LAMC2: variants seen among roughly 807,000 people sequenced by gnomAD.
The protein encoded by LAMC2 is laminin subunit gamma 2, also known as laminin subunit gamma-2.
Under a neutral mutation model 140.2 loss-of-function variants are expected in LAMC2, and 97 were observed. The ratio of observed to expected loss-of-function variants is 0.69; its 90% CI spans 0.59 to 0.82. The LOEUF is 0.82. Ranked by LOEUF, LAMC2 falls within the 40% of genes least tolerant of loss-of-function variation. LAMC2 has a pLI of 0.00. For missense variants in LAMC2, 1,402 were observed against 1,476.1 expected (o/e 0.95, Z 0.82); for synonymous variants, 513 against 540.2 (o/e 0.95, Z 0.70).
chr1:183,200,755 C>T (rs1425643570), intron 1 of LAMC2, among the ~76,000 whole-genome samples: 1 of 152,086 alleles, frequency 6.6e-6, no homozygotes, highest in African/African-American at 2.4e-5. Flanking sequence ...TAAGGAGGGG[C>T]TCCAGCTGCT....
At position 183,210,216 on chromosome 1, in the gene LAMC2, A is replaced by T. The variant is rs140920733; in HGVS notation, c.268+2147A>T. On this transcript the variant is annotated intron_variant, in intron 2 of 22. Transcript: ENST00000264144. Reference sequence around the variant, plus strand: ...ACCAGGTTTGTTGACATCAAAGGTAATAATGTAGAGTACAGTGGTGGGTTA... The same window carrying T: ...ACCAGGTTTGTTGACATCAAAGGTATTAATGTAGAGTACAGTGGTGGGTTA... Among the ~76,000 whole-genome samples the T allele has an allele frequency of 6.3e-4, 96 of 152,294 alleles. 2 individuals carry two copies. Among genetic ancestry groups the T allele is most frequent in the African/African-American group, 2.2e-3 (91 of 41,546 alleles).
intron 1 of LAMC2, among the ~76,000 whole-genome samples, chr1:183,206,242 T>C (rs1008933575): frequency 1.3e-5 from 2 of 152,226 alleles, no homozygotes; most frequent in Non-Finnish European, 2.9e-5. Context: ...AGAAACAGTA[T>C]GCTTTGGATA....
intron 1 of LAMC2, among the ~76,000 whole-genome samples, chr1:183,206,029 G>A (rs1658874626): frequency 6.6e-6 from 1 of 152,170 alleles, no homozygotes; most frequent in South Asian, 2.1e-4. Context: ...ACTCAATCTT[G>A]AGAAGGAACA....
intron 1 of LAMC2, among the ~76,000 whole-genome samples, chr1:183,202,275 T>C (rs1469662902): frequency 6.6e-6 from 1 of 151,780 alleles, no homozygotes; most frequent in African/African-American, 2.4e-5. Context: ...AGCAAACTCC[T>C]TCTTTGAAAT....
At chr1:183,245,507 G>C (rs1660223822), downstream of LAMC2, among the ~76,000 whole-genome samples, 1 of 152,196 alleles carries the variant, frequency 6.6e-6, no homozygotes, top group Admixed American at 6.5e-5. Flanking sequence ...AGGTTGCCTG[G>C]GGGATGGAGG....
chr1:183,211,270 C>A (rs4651149), intron 2 of LAMC2, among the ~76,000 whole-genome samples: 3 of 152,018 alleles, frequency 2.0e-5, no homozygotes, highest in African/African-American at 7.3e-5. Flanking sequence ...AAATTCACTG[C>A]GTGTGCAAGT....
At chr1:183,249,729 G>T, downstream of LAMC2, 1 of 138,572 alleles carries the variant, frequency 7.2e-6, no homozygotes, top group Non-Finnish European at 1.5e-5. Flanking sequence ...GTGTGTGTGT[G>T]TGTTTGGGGG....
chr1:183,252,602 G>T, the LAMC2 span: 1 of 1,360,942 alleles, frequency 7.3e-7, no homozygotes, highest in Non-Finnish European at 1.1e-6. Flanking sequence ...GGCTGACAAA[G>T]ATGGAGGGGC....
chr1:183,210,371 C>A (rs753573425), intron 2 of LAMC2, among the ~76,000 whole-genome samples: 2 of 152,138 alleles, frequency 1.3e-5, no homozygotes, highest in Non-Finnish European at 2.9e-5. Flanking sequence ...ATATTCATGT[C>A]ATGGGATCCT....
At chr1:183,211,643 T>A (rs1242476872) in intron 2 of LAMC2, among the ~76,000 whole-genome samples, 1 of 152,008 alleles carries the variant, frequency 6.6e-6, no homozygotes, top group Admixed American at 6.6e-5. Context: ...CCTGAGTAGC[T>A]CGGACTACTG....
rs1311852896 is a variant in LAMC2 at position 183,244,357 on chromosome 1, C to T, written c.*957C>T. The T allele has an allele frequency of 6.6e-6, 1 of 152,154 alleles. No individual in the cohort carries two copies. The highest frequency in any genetic ancestry group is 1.9e-4 in the East Asian group (1 of 5,186). 9.4% of individuals were successfully genotyped at this position (152,154 alleles called of 1,614,324 possible). On this transcript the variant is annotated 3_prime_UTR_variant, in exon 23 of 23. Transcript: ENST00000264144. ...TAAGAGAATGTTCCTACTCACACTT[C>T]AGCTGGGTCACATCCATCCCTCCAT...
chr1:183,242,367 C>T (rs921696111), intron 22 of LAMC2, among the ~76,000 whole-genome samples: 10 of 152,180 alleles, frequency 6.6e-5, no homozygotes, highest in African/African-American at 2.2e-4. Flanking sequence ...GTATAATAAA[C>T]TCATGCAGTC....
chr1:183,253,664 A>G, the LAMC2 span, among the ~76,000 whole-genome samples: 1 of 152,112 alleles, frequency 6.6e-6, no homozygotes, highest in East Asian at 1.9e-4. Context: ...ATATTCCTAC[A>G]TATTTGCTGC....
intron 1 of LAMC2, among the ~76,000 whole-genome samples, chr1:183,193,855 GTTT>G (rs56240216): frequency 0.41 from 61,653 of 151,778 alleles, 13,364 homozygotes; most frequent in East Asian, 0.63. Context: ...TTCTCAAAAT[GTTT>G]GTTACTTCTC....
intron 6 of LAMC2, 51 bp from the exon 7 acceptor site, chr1:183,223,084 G>A (rs1254270905): frequency 6.4e-7 from 1 of 1,563,280 alleles, no homozygotes; most frequent in Non-Finnish European, 8.8e-7. Context: ...GCATGTGTTT[G>A]CCTCTCCAGT....
At chr1:183,247,924 T>C (rs1660272744), downstream of LAMC2, among the ~76,000 whole-genome samples, 1 of 152,254 alleles carries the variant, frequency 6.6e-6, no homozygotes, top group Non-Finnish European at 1.5e-5. Flanking sequence ...TTTCATAAAA[T>C]ACTAATTTCA....
intron 1 of LAMC2, among the ~76,000 whole-genome samples, 185 bp from the exon 2 acceptor site, chr1:183,207,696 G>C (rs1453790435): frequency 6.6e-6 from 1 of 152,152 alleles, no homozygotes; most frequent in Non-Finnish European, 1.5e-5. Context: ...TTTAAGTGGA[G>C]CAGGCGTCCC....
chr1:183,221,604 C>T (rs1308921621), intron 5 of LAMC2, among the ~76,000 whole-genome samples: 1 of 152,004 alleles, frequency 6.6e-6, no homozygotes, highest in Non-Finnish European at 1.5e-5. Context: ...TGGTGGGCAC[C>T]TGTAGTCCCA....
intron 22 of LAMC2, 156 bp downstream of exon 22, chr1:183,240,547 G>T (rs1660105514): frequency 6.9e-7 from 1 of 1,451,796 alleles, no homozygotes; most frequent in African/African-American, 1.4e-5. Context: ...ACTTTCGGCA[G>T]GTTCCCTTAC....
Sources: gnomAD v4.1 joint callset for allele counts (sites outside exome capture counted in the v4.1 genomes callset) on GRCh38, gnomAD v4.1.1 for gene constraint, MANE v1.5 for transcripts, NCBI Gene and HGNC (gene_info 2026-07-23, HGNC 2026-07-21) for gene names.